PPP2CA: variants seen among roughly 807,000 people sequenced by gnomAD.
PPP2CA encodes protein phosphatase 2 catalytic subunit alpha.
In PPP2CA, 5 loss-of-function variants were observed where a neutral mutation model predicts 38.8. The ratio of observed to expected loss-of-function variants is 0.13; its 90% confidence interval spans 0.07 to 0.27. The LOEUF is 0.27. Among genes scored for constraint, PPP2CA ranks in the 10% least tolerant of loss-of-function variants. The pLI is 1.00. For missense variants in PPP2CA, 88 were observed against 389.7 expected, an observed-to-expected ratio of 0.23 and a Z score of 6.52; for synonymous variants, 152 against 134.0, an observed-to-expected ratio of 1.13 and a Z score of -0.93.
At chr5:134,225,664 C>A in intron 1 of PPP2CA, 96 bp downstream of exon 1, 2 of 1,133,408 alleles carry the variant, frequency 1.8e-6, no homozygotes, top group East Asian at 2.9e-5. Flanking sequence ...GGGGCCCGGA[C>A]CGGCGGCCTC....
rs1300386653 is a variant in PPP2CA, at chr5:134,200,897, T to C, written c.576+88A>G. 4.5e-6 allele frequency: 5 copies of C among 1,102,598 alleles called. No individual in the cohort carries two copies. In the East Asian group the frequency reaches 7.3e-5, roughly 16 times the overall value. 68.3% of individuals were successfully genotyped at this position (1,102,598 alleles called of 1,614,324 possible). On this transcript the variant is annotated intron_variant, in intron 4 of 6. Transcript: ENST00000481195. ...CCTCAAGTTGTTTTTGAGAATTATA[T>C]GAGAGAATACATCTAATGAACTTAC...
chr5:134,203,727 G>GT (rs535972546), intron 2 of PPP2CA, among the ~76,000 whole-genome samples: 2 of 152,120 alleles, frequency 1.3e-5, no homozygotes, highest in African/African-American at 4.8e-5. Context: ...CCATGAGTAA[G>GT]TTTTTTTCCC....
intron 2 of PPP2CA, 175 bp from the exon 3 acceptor site, chr5:134,202,196 G>GC: frequency 1.8e-6 from 1 of 562,436 alleles, no homozygotes; most frequent in South Asian, 2.8e-5. Context: ...TGCCCATGGG[G>GC]TGTTTGCCCA....
intron 1 of PPP2CA, among the ~76,000 whole-genome samples, chr5:134,218,731 C>T (rs1354754597): frequency 1.3e-5 from 2 of 151,120 alleles, no homozygotes; most frequent in South Asian, 2.1e-4. Flanking sequence ...TGCAGGGGCA[C>T]GATCTCGGCT....
intron 1 of PPP2CA, among the ~76,000 whole-genome samples, chr5:134,221,113 C>CT (rs1368441716): frequency 4.6e-5 from 7 of 151,870 alleles, no homozygotes; most frequent in African/African-American, 1.5e-4. Flanking sequence ...TGAAAAGAGG[C>CT]TTTTTTGGGG....
chr5:134,206,164 T>C, intron 1 of PPP2CA, 33 bp from the exon 2 acceptor site: 1 of 1,551,778 alleles, frequency 6.4e-7, no homozygotes, highest in Non-Finnish European at 8.9e-7. Flanking sequence ...AGGCAATACA[T>C]TTGGCATTAA....
intron 1 of PPP2CA, among the ~76,000 whole-genome samples, chr5:134,220,655 C>T (rs17517982): frequency 0.032 from 4,840 of 152,164 alleles, 109 homozygotes; most frequent in Middle Eastern, 0.075. Context: ...CCTCTCTCCT[C>T]AGTACCCTGA....
At chr5:134,217,580 T>G (rs1427403870) in intron 1 of PPP2CA, among the ~76,000 whole-genome samples, 2 of 152,238 alleles carry the variant, frequency 1.3e-5, no homozygotes, top group Non-Finnish European at 2.9e-5. Context: ...TGTCAAGATG[T>G]ACGGTTGGTT....
At chr5:134,218,872 T>C (rs1762379963) in intron 1 of PPP2CA, among the ~76,000 whole-genome samples, 1 of 152,116 alleles carries the variant, frequency 6.6e-6, no homozygotes. Context: ...GGTTTCACCG[T>C]GCTAGCCAGG....
intron 1 of PPP2CA, among the ~76,000 whole-genome samples, chr5:134,223,608 AC>A: frequency 6.6e-6 from 1 of 152,180 alleles, no homozygotes; most frequent in African/African-American, 2.4e-5. Flanking sequence ...ATGGAGATTT[AC>A]CTCACTACAT....
rs1761878437 is a variant in PPP2CA at position 134,197,463 on chromosome 5, A to C, written c.*309T>G. On this transcript the variant is annotated 3_prime_UTR_variant, in exon 7 of 7. Transcript: ENST00000481195. ...GTTAAATTGTATTCACGAGGTGTTA[A>C]TGTTTACATCTTATTATCTGCAGTC... The C allele has an allele frequency of 3.1e-6, 1 of 327,064 alleles. No homozygotes were observed. Among genetic ancestry groups the C allele is most frequent in the African/African-American group, 2.0e-5 (1 of 48,864 alleles). 20.3% of individuals were successfully genotyped at this position (327,064 alleles called of 1,614,324 possible). A position where few individuals can be genotyped will look rare whatever the true frequency, so the allele number is the denominator to read the frequency against.
intron 1 of PPP2CA, among the ~76,000 whole-genome samples, chr5:134,213,155 G>C (rs1762242591): frequency 1.3e-5 from 2 of 152,186 alleles, no homozygotes; most frequent in African/African-American, 4.8e-5. Flanking sequence ...TTACTAGCTA[G>C]AGAAGTCAAT....
intron 2 of PPP2CA, among the ~76,000 whole-genome samples, chr5:134,204,447 C>A (rs1762034653): frequency 6.6e-6 from 1 of 152,172 alleles, no homozygotes; most frequent in Non-Finnish European, 1.5e-5. Context: ...TTTCGGTTAT[C>A]ATTTCTACCA....
chr5:134,225,660 C>G (rs1762559461), intron 1 of PPP2CA, 100 bp downstream of exon 1: 2 of 1,091,518 alleles, frequency 1.8e-6, no homozygotes, highest in Non-Finnish European at 2.6e-6. Flanking sequence ...TCGGGGGGCC[C>G]GGACCGGCGG....
At chr5:134,214,474 T>C (rs1319698871) in intron 1 of PPP2CA, among the ~76,000 whole-genome samples, 8 of 152,224 alleles carry the variant, frequency 5.3e-5, no homozygotes, top group Admixed American at 5.2e-4. Flanking sequence ...TTTTTTTGTT[T>C]CATATGTACT....
chr5:134,224,396 C>T (rs1343223853), intron 1 of PPP2CA: 1 of 412,882 alleles, frequency 2.4e-6, no homozygotes, highest in Admixed American at 3.3e-5. Flanking sequence ...CTAAATCTGA[C>T]TTACTTAAAT....
At chr5:134,217,847 T>G (rs775476459) in intron 1 of PPP2CA, among the ~76,000 whole-genome samples, 2 of 152,248 alleles carry the variant, frequency 1.3e-5, no homozygotes, top group Non-Finnish European at 2.9e-5. Context: ...CAAATCTAGA[T>G]AGTATAGACT....
At chr5:134,199,304 T>G in intron 5 of PPP2CA, 100 bp from the exon 6 acceptor site, 1 of 837,674 alleles carries the variant, frequency 1.2e-6, no homozygotes, top group Non-Finnish European at 2.0e-6. Context: ...TTCCCACCCC[T>G]GCCAAAGGGG....
intron 2 of PPP2CA, among the ~76,000 whole-genome samples, chr5:134,205,219 C>T (rs980658447): frequency 2.0e-5 from 3 of 151,464 alleles, no homozygotes; most frequent in African/African-American, 4.9e-5. Context: ...ATTATAGCCA[C>T]GAGCCACCGT....
Sources: gnomAD v4.1 joint callset for allele counts (sites outside exome capture counted in the v4.1 genomes callset) on GRCh38, gnomAD v4.1.1 for gene constraint, MANE v1.5 for transcripts, NCBI Gene and HGNC (gene_info 2026-07-23, HGNC 2026-07-21) for gene names.